CSMD1: variants seen among roughly 807,000 people sequenced by gnomAD.
CSMD1 encodes the protein CUB and Sushi multiple domains 1, also known as CUB and sushi domain-containing protein 1.
A neutral mutation model predicts 417.5 loss-of-function variants in CSMD1; 213 were observed. The ratio of observed to expected loss-of-function variants is 0.51; its 90% CI spans 0.46 to 0.57. The LOEUF is 0.57. Ranked by LOEUF, CSMD1 falls within the 20% of genes least tolerant of loss-of-function variation. CSMD1 has a pLI of 0.00. For synonymous variants in CSMD1, 2,862 were observed against 1,736.8 expected (o/e 1.65, Z -16.11); for missense variants, 6,923 against 4,529.7 (o/e 1.53, Z -15.17).
At chr8:3,961,812 G>C (rs564862484) in intron 5 of CSMD1, among the ~76,000 whole-genome samples, 1 of 152,142 alleles carries the variant, frequency 6.6e-6, no homozygotes, top group African/African-American at 2.4e-5. Context: ...TTTCCCGCTA[G>C]AAATGCTATT....
At chr8:4,219,778 ACCAGATAG>A (rs1164655571) in intron 3 of CSMD1, among the ~76,000 whole-genome samples, 2 of 152,160 alleles carry the variant, frequency 1.3e-5, no homozygotes, top group Non-Finnish European at 2.9e-5. Flanking sequence ...TTTTAATGTC[ACCAGATAG>A]CCATTATGTA....
At chr8:3,757,003 A>G (rs1280600390) in intron 5 of CSMD1, among the ~76,000 whole-genome samples, 6 of 152,106 alleles carry the variant, frequency 3.9e-5, no homozygotes. Context: ...GGGTCTCACT[A>G]TGTTGTCCAG....
chr8:4,827,159 A>G (rs1191550153), intron 1 of CSMD1, among the ~76,000 whole-genome samples: 1 of 152,172 alleles, frequency 6.6e-6, no homozygotes, highest in Non-Finnish European at 1.5e-5. Context: ...AAACAGGTAT[A>G]CTAGCAAAGT....
intron 18 of CSMD1, among the ~76,000 whole-genome samples, chr8:3,381,352 A>T (rs935737718): frequency 6.6e-6 from 1 of 152,336 alleles, no homozygotes; most frequent in South Asian, 2.1e-4. Context: ...AAAATAAATT[A>T]TTAAAAATGC....
At chr8:4,321,813 T>C (rs932562770) in intron 3 of CSMD1, among the ~76,000 whole-genome samples, 1 of 152,164 alleles carries the variant, frequency 6.6e-6, no homozygotes, top group Non-Finnish European at 1.5e-5. Context: ...GTACTAAATA[T>C]CTTTTTTGGT....
chr8:4,771,354 C>A lies in CSMD1; in HGVS notation c.86-133796G>T, dbSNP rs193058723. Among the ~76,000 whole-genome samples the A allele has an allele frequency of 2.2e-4, 33 of 152,258 alleles. No individual in the cohort carries two copies. The East Asian group carries it at 6.0e-3, about 28-fold the overall frequency. ...TAAATAAGTCGATTAAAAAGAACAC[C>A]AGGCTTTGGGCCCTCTTCAGGGAAA... On this transcript the variant is annotated intron_variant, in intron 1 of 69. Coordinates refer to ENST00000635120, the MANE Select transcript of CSMD1 (RefSeq NM_033225.6).
rs536413715 is a variant in CSMD1 at position 3,413,619 on chromosome 8, G to A, written c.1562-4014C>T. On this transcript the variant is annotated intron_variant, in intron 12 of 69. Coordinates refer to ENST00000635120, the MANE Select transcript of CSMD1 (RefSeq NM_033225.6). ...TATGCCAGCGATGTTTCATTTGGGG[G>A]AACTATCTTGGAATATTTTGCATTC... Among the ~76,000 whole-genome samples the A allele has an allele frequency of 9.1e-4, 138 of 152,230 alleles. 1 individual carries two copies. The highest frequency in any genetic ancestry group is 3.1e-3 in the African/African-American group (129 of 41,548).
chr8:4,737,134 C>A (rs576341899), intron 1 of CSMD1, among the ~76,000 whole-genome samples: 2 of 150,792 alleles, frequency 1.3e-5, no homozygotes, highest in East Asian at 3.9e-4. Flanking sequence ...TACATCCATA[C>A]CATGGAATAT....
chr8:3,674,789 A>T (rs975938073), intron 7 of CSMD1, among the ~76,000 whole-genome samples: 1 of 152,200 alleles, frequency 6.6e-6, no homozygotes, highest in Admixed American at 6.5e-5. Flanking sequence ...TAGTTTTCAA[A>T]GAGGTGAAAC....
chr8:4,815,444 C>T (rs1799148554), intron 1 of CSMD1, among the ~76,000 whole-genome samples: 1 of 151,848 alleles, frequency 6.6e-6, no homozygotes, highest in East Asian at 1.9e-4. Context: ...GCCTATAATC[C>T]CAGCACTTTG....
intron 12 of CSMD1, among the ~76,000 whole-genome samples, chr8:3,451,263 G>C (rs1274141990): frequency 6.6e-6 from 1 of 152,164 alleles, no homozygotes. Flanking sequence ...CACTCTGTAG[G>C]ATGCCTGTTC....
chr8:4,398,385 C>CT (rs1317009143), intron 3 of CSMD1, among the ~76,000 whole-genome samples: 16,311 of 116,338 alleles, frequency 0.14, 1,561 homozygotes, highest in Admixed American at 0.18. Flanking sequence ...CTTGCTGCAA[C>CT]TTCTTTTTTT....
intron 3 of CSMD1, among the ~76,000 whole-genome samples, chr8:4,311,369 G>A (rs1032051667): frequency 3.9e-5 from 6 of 152,128 alleles, no homozygotes; most frequent in Admixed American, 6.6e-5. Flanking sequence ...TGGAGCTGGA[G>A]GCCATTATTC....
intron 7 of CSMD1, among the ~76,000 whole-genome samples, chr8:3,675,091 C>G (rs866922603): frequency 1.3e-5 from 2 of 152,164 alleles, no homozygotes; most frequent in Non-Finnish European, 2.9e-5. Flanking sequence ...CCATAAAACG[C>G]CATCTTGAAG....
At chr8:3,562,770 G>C (rs1393564477) in intron 10 of CSMD1, among the ~76,000 whole-genome samples, 2 of 152,070 alleles carry the variant, frequency 1.3e-5, no homozygotes, top group East Asian at 1.9e-4. Flanking sequence ...GCCTATTGGA[G>C]GGTGGAGGGT....
chr8:3,675,398 G>C (rs186321456), intron 7 of CSMD1, among the ~76,000 whole-genome samples: 5 of 152,264 alleles, frequency 3.3e-5, no homozygotes, highest in East Asian at 1.9e-4. Context: ...ATGCTATCTT[G>C]TTTTGTTTGC....
chr8:3,737,045 A>C (rs915148007), intron 6 of CSMD1, among the ~76,000 whole-genome samples: 7 of 152,198 alleles, frequency 4.6e-5, no homozygotes, highest in African/African-American at 1.7e-4. Flanking sequence ...TCCAATTATA[A>C]AGTGCTTTAA....
At chr8:4,638,626 C>G (rs1328042334) in intron 1 of CSMD1, among the ~76,000 whole-genome samples, 1 of 152,116 alleles carries the variant, frequency 6.6e-6, no homozygotes. Flanking sequence ...CTCAGAGTTC[C>G]AAAGAGCAGT....
At chr8:4,892,866 C>T (rs1168878336) in intron 1 of CSMD1, among the ~76,000 whole-genome samples, 2 of 152,112 alleles carry the variant, frequency 1.3e-5, no homozygotes, top group Non-Finnish European at 2.9e-5. Flanking sequence ...AATATTCTTA[C>T]TAAGAGGCAT....
Sources: allele counts gnomAD v4.1 joint callset (sites outside exome capture counted in the v4.1 genomes callset), GRCh38; gene constraint gnomAD v4.1.1; transcripts MANE v1.5; gene names NCBI Gene and HGNC (gene_info 2026-07-23, HGNC 2026-07-21).